SNX29: variants seen among roughly 807,000 people sequenced by gnomAD.
SNX29 encodes the protein sorting nexin 29.
Under a neutral mutation model 102.1 loss-of-function variants are expected in SNX29, and 78 were observed. The ratio of observed to expected loss-of-function variants is 0.76; its 90% CI spans 0.64 to 0.92. The LOEUF (loss-of-function observed/expected upper bound fraction) is 0.92. SNX29 is among the 40% of genes least tolerant of loss of function. The pLI, the probability that SNX29 is intolerant of heterozygous loss-of-function variation, is 0.00. For synonymous variants in SNX29, 580 were observed against 414.5 expected, an observed-to-expected ratio of 1.40 and a Z score of -4.85; for missense variants, 1,280 against 1,061.7, an observed-to-expected ratio of 1.21 and a Z score of -2.86.
chr16:12,425,853 G>C (rs1414756639), intron 18 of SNX29, among the ~76,000 whole-genome samples: 6 of 151,828 alleles, frequency 4.0e-5, no homozygotes, highest in African/African-American at 1.5e-4. Context: ...TTCTACCCTT[G>C]GGCACTGTTG....
At chr16:12,437,944 C>A (rs1174143627) in intron 18 of SNX29, among the ~76,000 whole-genome samples, 2 of 152,190 alleles carry the variant, frequency 1.3e-5, no homozygotes, top group African/African-American at 4.8e-5. Context: ...TCCATCTGCA[C>A]TGCCAGGCCC....
chr16:12,225,651 A>C (rs530034461), intron 14 of SNX29, among the ~76,000 whole-genome samples: 2 of 152,336 alleles, frequency 1.3e-5, no homozygotes, highest in East Asian at 3.9e-4. Context: ...CTAATACAGC[A>C]TCCAGGTCAG....
At chr16:12,090,517 GC>G (rs1481809117) in intron 11 of SNX29, among the ~76,000 whole-genome samples, 1 of 152,130 alleles carries the variant, frequency 6.6e-6, no homozygotes, top group East Asian at 1.9e-4. Flanking sequence ...CAATTTTTAA[GC>G]CCATTTGGTA....
chr16:12,164,335 A>G (rs1338292297), intron 13 of SNX29, among the ~76,000 whole-genome samples: 1 of 152,190 alleles, frequency 6.6e-6, no homozygotes, highest in Admixed American at 6.5e-5. Flanking sequence ...TCTGGTTAAT[A>G]GAGTACTAGT....
At chr16:12,014,776 A>ATT (rs974617086) in intron 3 of SNX29, among the ~76,000 whole-genome samples, 81 of 151,802 alleles carry the variant, frequency 5.3e-4, no homozygotes, top group African/African-American at 1.9e-3. Context: ...ATCATCAGAA[A>ATT]TTATGATTTA....
chr16:12,336,887 A>G (rs1443261605), intron 15 of SNX29, among the ~76,000 whole-genome samples: 1 of 152,238 alleles, frequency 6.6e-6, no homozygotes, highest in Admixed American at 6.5e-5. Context: ...TTGTGGCTGC[A>G]GTGAGCTATG....
chr16:11,996,939 T>G (rs1035069238), intron 1 of SNX29, among the ~76,000 whole-genome samples: 1 of 151,948 alleles, frequency 6.6e-6, no homozygotes, highest in African/African-American at 2.4e-5. Context: ...TTTTGAAGAG[T>G]CAGTTGTTTT....
rs144711305 is a variant in SNX29, at chr16:12,438,325, C to G, written c.2037+34796C>G. On this transcript the variant is annotated intron_variant, in intron 18 of 20. Transcript: ENST00000566228. ...GGGAAACTTTGACCTAATTTGAGAG[C>G]TCAGCTGGGTTCAGCGCTCTCCCCT... Among the ~76,000 whole-genome samples, 254 of 152,284 alleles carry G rather than the reference C, an allele frequency of 1.7e-3. 1 individual carries two copies. The highest frequency in any genetic ancestry group is 5.7e-3 in the African/African-American group (235 of 41,552).
At chr16:12,542,089 A>T (rs1008530081) in intron 20 of SNX29, among the ~76,000 whole-genome samples, 2 of 151,916 alleles carry the variant, frequency 1.3e-5, no homozygotes, top group Non-Finnish European at 2.9e-5. Flanking sequence ...ATCCTGCAAT[A>T]TTGTCTCTTC....
rs867585355 is a variant in SNX29, at chr16:12,477,929, T to C, written c.2178+70T>C. 1.1e-5 allele frequency: 16 copies of C among 1,483,092 alleles called. No homozygotes were observed. In the Admixed American group the frequency reaches 2.4e-4, roughly 22 times the overall value. The allele number at this position is 1,483,092 out of a possible 1,614,324, so 91.9% of individuals were successfully genotyped here. A position where few individuals can be genotyped will look rare whatever the true frequency, so the allele number is the denominator to read the frequency against. On this transcript the variant is annotated intron_variant, in intron 19 of 20. Coordinates refer to ENST00000566228, the MANE Select transcript of SNX29 (RefSeq NM_032167.5). ...AAATGGATTATTTATTCTTCTTCTT[T>C]AGTCCGTTGCTTAAAAACACATGCT... is the stretch of plus-strand genomic sequence containing the variant.
intron 14 of SNX29, among the ~76,000 whole-genome samples, chr16:12,273,905 G>A (rs1363884709): frequency 2.6e-5 from 4 of 152,178 alleles, no homozygotes; most frequent in Admixed American, 1.3e-4. Flanking sequence ...GTGTTGCAGC[G>A]TGAGTCTGCT....
chr16:12,102,702 T>G (rs1419372200), intron 11 of SNX29, among the ~76,000 whole-genome samples: 1 of 152,170 alleles, frequency 6.6e-6, no homozygotes, highest in Non-Finnish European at 1.5e-5. Flanking sequence ...TATTGCAAAT[T>G]CTGGCCAGAG....
At chr16:12,450,793 C>T (rs1353440655) in intron 18 of SNX29, among the ~76,000 whole-genome samples, 1 of 152,086 alleles carries the variant, frequency 6.6e-6, no homozygotes, top group East Asian at 1.9e-4. Context: ...ATTGTGGTGG[C>T]ACTGGGGAAC....
chr16:12,429,373 T>A (rs1225019670), intron 18 of SNX29, among the ~76,000 whole-genome samples: 1 of 152,244 alleles, frequency 6.6e-6, no homozygotes, highest in Non-Finnish European at 1.5e-5. Flanking sequence ...CTTCTGTGCA[T>A]TTTTTTCTTT....
intron 19 of SNX29, among the ~76,000 whole-genome samples, chr16:12,502,417 A>G (rs535829135): frequency 3.3e-4 from 51 of 152,280 alleles, no homozygotes; most frequent in African/African-American, 1.2e-3. Context: ...CCCACAGGGA[A>G]TGCTTCACAG....
chr16:12,565,090 GTCTTC>G (rs1354972437), intron 20 of SNX29, among the ~76,000 whole-genome samples: 6 of 152,012 alleles, frequency 3.9e-5, no homozygotes, highest in Admixed American at 6.5e-5. Flanking sequence ...ACATGGGGTC[GTCTTC>G]TCTTCTGAGT....
intron 18 of SNX29, among the ~76,000 whole-genome samples, chr16:12,455,222 C>A (rs1172693797): frequency 6.6e-6 from 1 of 152,158 alleles, no homozygotes; most frequent in Non-Finnish European, 1.5e-5. Context: ...AGAACCCCAC[C>A]GAGTCTGATT....
chr16:12,305,314 C>A (rs565346970), intron 15 of SNX29, among the ~76,000 whole-genome samples: 3 of 152,244 alleles, frequency 2.0e-5, no homozygotes, highest in Admixed American at 2.0e-4. Flanking sequence ...AGATCCCCCC[C>A]GGCCACGGAG....
chr16:12,317,221 T>C (rs964901275), intron 15 of SNX29, among the ~76,000 whole-genome samples: 7 of 152,212 alleles, frequency 4.6e-5, no homozygotes, highest in Non-Finnish European at 8.8e-5. Flanking sequence ...TGCATGGGCC[T>C]GTGAAGGCTT....
Sources: allele counts gnomAD v4.1 joint callset (sites outside exome capture counted in the v4.1 genomes callset), GRCh38; gene constraint gnomAD v4.1.1; transcripts MANE v1.5; gene names NCBI Gene and HGNC (gene_info 2026-07-23, HGNC 2026-07-21).